PCDHA9: variants seen among roughly 807,000 people sequenced by gnomAD.
The protein encoded by PCDHA9 is protocadherin alpha 9.
Under a neutral mutation model 62.0 loss-of-function variants are expected in PCDHA9, and 62 were observed. That is an observed-to-expected ratio of 1.00 (90% CI 0.81 to 1.23). The LOEUF is 1.23. Ranked by LOEUF, PCDHA9 falls within the 50% of genes most tolerant of loss-of-function variation. The pLI is 0.00. For missense variants in PCDHA9, 1,205 were observed against 1,249.8 expected (o/e 0.96, Z 0.54); for synonymous variants, 557 against 567.6 (o/e 0.98, Z 0.27).
rs191954731 is a variant in PCDHA9 at position 140,913,936 on chromosome 5, A to G, written c.2394+63047A>G. Among the ~76,000 whole-genome samples the G allele has an allele frequency of 7.5e-3, 1,149 of 152,268 alleles. 4 individuals are homozygous for G. Among genetic ancestry groups the G allele is most frequent in the Admixed American group, 0.013 (194 of 15,286 alleles). ...AATTTTACTTCATTGTGGTCAGAGA[A>G]GAATCTTGATATGATATCATTTTTA... On this transcript the variant is annotated intron_variant, in intron 1 of 3. Transcript: ENST00000532602.
chr5:140,853,458 T>TA lies in PCDHA9; in HGVS notation c.2394+2570dup. 7 of 974,486 alleles carry TA rather than the reference T, an allele frequency of 7.2e-6. 1 individual carries two copies. Among genetic ancestry groups the TA allele is most frequent in the Non-Finnish European group, 8.7e-6 (7 of 807,370 alleles). The allele number at this position is 974,486 out of a possible 1,614,324, so 60.4% of individuals were successfully genotyped here. ...CTATTTTGCCTAATAGGTCTCCTTA[T>TA]ATGCATCTGTAGTTAACATTCCTCA... On this transcript the variant is annotated intron_variant, in intron 1 of 3. Coordinates refer to ENST00000532602, the MANE Select transcript of PCDHA9 (RefSeq NM_031857.2).
chr5:140,989,727 A>G (rs1203211477), intron 3 of PCDHA9, among the ~76,000 whole-genome samples: 2 of 152,308 alleles, frequency 1.3e-5, no homozygotes, highest in East Asian at 3.9e-4. Flanking sequence ...TTTGCAGTTG[A>G]AAAGGCCATT....
At chr5:140,954,722 G>A (rs1554221565) in intron 1 of PCDHA9, among the ~76,000 whole-genome samples, 1 of 152,092 alleles carries the variant, frequency 6.6e-6, no homozygotes, top group African/African-American at 2.4e-5. Context: ...TCTGTAGGTT[G>A]TCTTTTCACT....
chr5:140,856,719 C>A, intron 1 of PCDHA9: 1 of 1,596,152 alleles, frequency 6.3e-7, no homozygotes, highest in Non-Finnish European at 8.6e-7. Flanking sequence ...TTTACCGGAT[C>A]TGTTTCTCTG....
intron 1 of PCDHA9, chr5:140,876,018 A>G: frequency 6.2e-7 from 1 of 1,613,764 alleles, no homozygotes; most frequent in East Asian, 2.2e-5. Flanking sequence ...AGCTTAAAAT[A>G]AAAACAAAAA....
chr5:140,960,993 A>G (rs1053601284), intron 1 of PCDHA9, among the ~76,000 whole-genome samples: 1 of 152,140 alleles, frequency 6.6e-6, no homozygotes, highest in Non-Finnish European at 1.5e-5. Context: ...AAAATGCTCA[A>G]TTTGCTGCTG....
At chr5:140,941,095 A>C (rs2092727620) in intron 1 of PCDHA9, among the ~76,000 whole-genome samples, 1 of 152,062 alleles carries the variant, frequency 6.6e-6, no homozygotes, top group South Asian at 2.1e-4. Flanking sequence ...TAGTTTTCAC[A>C]TACTATTACT....
At chr5:140,992,044 T>A (rs1160444128) in intron 3 of PCDHA9, among the ~76,000 whole-genome samples, 1 of 151,788 alleles carries the variant, frequency 6.6e-6, no homozygotes, top group African/African-American at 2.4e-5. Flanking sequence ...TGTGTGTGTG[T>A]GTGTGTGTGT....
intron 1 of PCDHA9, chr5:140,927,894 C>A (rs372774238): frequency 1.2e-6 from 2 of 1,614,208 alleles, no homozygotes; most frequent in East Asian, 2.2e-5. Context: ...CTGACGTGAA[C>A]GATCATGCCC....
chr5:140,877,663 C>T (rs1554169960), intron 1 of PCDHA9: 22 of 1,613,432 alleles, frequency 1.4e-5, no homozygotes, highest in Admixed American at 1.7e-5. Context: ...CACCGTGAGC[C>T]GGTGCGCGCC....
rs782610584 is a variant in PCDHA9 at position 140,883,582 on chromosome 5, G to C, written c.2394+32693G>C. 38 of 1,613,902 alleles carry C rather than the reference G, an allele frequency of 2.4e-5. No homozygotes were observed. The African/African-American group carries it at 3.7e-4, about 16-fold the overall frequency. ...GGGGCTCGCCTTCGCTGTGGGCCAC[G>C]GCCAGCGTGTCGGTGGGGGTGGCCG... is the stretch of plus-strand genomic sequence containing the variant. On this transcript the variant is annotated intron_variant, in intron 1 of 3. Transcript: ENST00000532602.
At chr5:140,982,436 T>G (rs782353079) in intron 2 of PCDHA9, 39 bp from the exon 3 acceptor site, 18 of 1,613,262 alleles carry the variant, frequency 1.1e-5, no homozygotes, top group Non-Finnish European at 1.5e-5. Context: ...GGAAAGAATT[T>G]ATGATCTAAC....
At chr5:140,891,827 A>G (rs943963989) in intron 1 of PCDHA9, among the ~76,000 whole-genome samples, 1 of 152,212 alleles carries the variant, frequency 6.6e-6, no homozygotes, top group Non-Finnish European at 1.5e-5. Flanking sequence ...ACGGCACTGT[A>G]AAAGGACTTG....
rs183412283 is a variant in PCDHA9 at position 140,968,329 on chromosome 5, T to C, written c.2395-10620T>C. On this transcript the variant is annotated intron_variant, in intron 1 of 3. Transcript: ENST00000532602. ...TTCAAGGGCTGCCAGTCACCTCCTA[T>C]GTCTCCATTAACAGTGCCAGTGGCA... is the stretch of plus-strand genomic sequence containing the variant. 7.7e-5 allele frequency: 125 copies of C among 1,614,150 alleles called. 1 individual carries two copies. In the East Asian group the frequency reaches 2.7e-3, roughly 34 times the overall value.
intron 1 of PCDHA9, among the ~76,000 whole-genome samples, chr5:140,925,484 T>C (rs1178019565): frequency 6.6e-6 from 1 of 152,066 alleles, no homozygotes; most frequent in Admixed American, 6.6e-5. Flanking sequence ...CTCATAGAAC[T>C]GATCACTGTC....
Position 140,862,422 on chromosome 5 carries a change from A to G in PCDHA9, c.2394+11533A>G, listed in dbSNP as rs76178077. On this transcript the variant is annotated intron_variant, in intron 1 of 3. Transcript: ENST00000532602. Reference sequence around the variant, plus strand: ...TGTCTACCTTCAAAAGGCGCTGCCCAGAAACTATTCGTTGGTACTCCACAG... The same window carrying G: ...TGTCTACCTTCAAAAGGCGCTGCCCGGAAACTATTCGTTGGTACTCCACAG... The G allele has an allele frequency of 2.5e-3, 872 of 353,812 alleles. 5 individuals are homozygous for G. Among genetic ancestry groups the G allele is most frequent in the African/African-American group, 0.018 (823 of 46,772 alleles). The allele number at this position is 353,812 out of a possible 1,614,324, so 21.9% of individuals were successfully genotyped here.
chr5:140,860,904 A>ATT (rs369143047), intron 1 of PCDHA9: 1 of 152,182 alleles, frequency 6.6e-6, no homozygotes, highest in African/African-American at 2.4e-5. Context: ...CGCCAGGCTA[A>ATT]TTTTTTGTAT....
intron 1 of PCDHA9, among the ~76,000 whole-genome samples, chr5:140,941,191 T>TTTTTTCTTTC (rs1554213809): frequency 1.1e-5 from 1 of 93,206 alleles, no homozygotes; most frequent in Non-Finnish European, 2.3e-5. Flanking sequence ...GCTTCTTTTT[T>TTTTTTCTTTC]TTTCTTTCTT....
chr5:140,921,440 G>C (rs1026829665), intron 1 of PCDHA9, among the ~76,000 whole-genome samples: 1 of 152,056 alleles, frequency 6.6e-6, no homozygotes, highest in South Asian at 2.1e-4. Flanking sequence ...CTTCAATGGT[G>C]TCTGAAAAGG....
Sources: gnomAD v4.1 joint callset for allele counts (sites outside exome capture counted in the v4.1 genomes callset) on GRCh38, gnomAD v4.1.1 for gene constraint, MANE v1.5 for transcripts, NCBI Gene and HGNC (gene_info 2026-07-23, HGNC 2026-07-21) for gene names.